TGFA: variants seen among roughly 807,000 people sequenced by gnomAD.
TGFA encodes transforming growth factor alpha, also known as protransforming growth factor alpha.
TGFA carries 12 observed loss-of-function variants against 21.7 expected under a neutral mutation model. That is an observed-to-expected ratio of 0.55 (90% confidence interval 0.35 to 0.90). The LOEUF (loss-of-function observed/expected upper bound fraction) is 0.90, where lower values mean the gene tolerates loss of function less well. Among genes scored for constraint, TGFA ranks in the 40% least tolerant of loss-of-function variants. The pLI is 0.01. For synonymous variants in TGFA, 79 were observed against 88.1 expected (o/e 0.90, Z 0.58); for missense variants, 178 against 210.8 (o/e 0.84, Z 0.96).
At chr2:70,536,696 G>A (rs1326886353) in intron 1 of TGFA, among the ~76,000 whole-genome samples, 1 of 152,214 alleles carries the variant, frequency 6.6e-6, no homozygotes, top group African/African-American at 2.4e-5. Context: ...TGCAGCAAAA[G>A]CAGTGCTTAG....
chr2:70,501,693 T>C (rs1671743310), intron 2 of TGFA, among the ~76,000 whole-genome samples: 2 of 152,196 alleles, frequency 1.3e-5, no homozygotes, highest in Non-Finnish European at 2.9e-5. Flanking sequence ...CAATTAGGTA[T>C]ACTCTCCATT....
At chr2:70,485,590 G>A (rs1466991791) in intron 2 of TGFA, among the ~76,000 whole-genome samples, 4 of 152,116 alleles carry the variant, frequency 2.6e-5, no homozygotes, top group Admixed American at 2.6e-4. Context: ...AAGGAACCGA[G>A]CACTGCTTAG....
intron 1 of TGFA, among the ~76,000 whole-genome samples, chr2:70,540,573 A>G (rs1673105190): frequency 1.3e-5 from 2 of 152,202 alleles, no homozygotes; most frequent in Non-Finnish European, 2.9e-5. Flanking sequence ...TAACTACATA[A>G]ATGTATGAGG....
At chr2:70,500,938 G>T (rs1671720724) in intron 2 of TGFA, among the ~76,000 whole-genome samples, 2 of 146,198 alleles carry the variant, frequency 1.4e-5, no homozygotes, top group South Asian at 2.2e-4. Context: ...TCTCTATTTT[G>T]TTTTTGTTGC....
At chr2:70,521,609 GTTTGT>G (rs1243010167) in intron 1 of TGFA, among the ~76,000 whole-genome samples, 6 of 78,876 alleles carry the variant, frequency 7.6e-5, no homozygotes, top group South Asian at 4.8e-4. Context: ...TTTTGTTGTT[GTTTGT>G]TTGTTTTTTT....
intron 2 of TGFA, among the ~76,000 whole-genome samples, chr2:70,488,544 C>G (rs880002421): frequency 6.6e-6 from 1 of 152,170 alleles, no homozygotes; most frequent in African/African-American, 2.4e-5. Context: ...TGTACCAGCA[C>G]CAAAGCATTT....
chr2:70,515,202 T>A (rs1208273709), intron 1 of TGFA, among the ~76,000 whole-genome samples: 1 of 152,224 alleles, frequency 6.6e-6, no homozygotes, highest in Non-Finnish European at 1.5e-5. Context: ...CTTTGTTTTT[T>A]CTTAACACCT....
chr2:70,531,677 C>T (rs905439537), intron 1 of TGFA, among the ~76,000 whole-genome samples: 6 of 152,150 alleles, frequency 3.9e-5, no homozygotes, highest in Non-Finnish European at 8.8e-5. Context: ...CAGCCACTTC[C>T]AAATGATCAC....
chr2:70,523,596 G>A (rs1263573023), intron 1 of TGFA, among the ~76,000 whole-genome samples: 4 of 152,002 alleles, frequency 2.6e-5, no homozygotes, highest in Non-Finnish European at 4.4e-5. Context: ...AGTCCTCCAC[G>A]ATGCCCCCTG....
chr2:70,456,575 C>T, intron 3 of TGFA, 87 bp from the exon 4 acceptor site: 1 of 1,465,092 alleles, frequency 6.8e-7, no homozygotes, highest in Non-Finnish European at 9.2e-7. Flanking sequence ...TGGAGGGACC[C>T]AGAGCCTGCA....
At chr2:70,501,082 G>C (rs1574107708) in intron 2 of TGFA, among the ~76,000 whole-genome samples, 1 of 151,780 alleles carries the variant, frequency 6.6e-6, no homozygotes, top group Admixed American at 6.6e-5. Flanking sequence ...ATTTTGAGTC[G>C]ATTTTTGTAT....
chr2:70,476,443 C>T (rs1273156161), intron 2 of TGFA, among the ~76,000 whole-genome samples: 12 of 152,168 alleles, frequency 7.9e-5, no homozygotes, highest in African/African-American at 2.7e-4. Flanking sequence ...GGAACAGCCC[C>T]GTTAGAGCCC....
intron 1 of TGFA, among the ~76,000 whole-genome samples, chr2:70,526,920 G>A (rs1672654699): frequency 1.3e-5 from 2 of 152,168 alleles, no homozygotes; most frequent in Admixed American, 6.5e-5. Flanking sequence ...AGGGTTTCAG[G>A]TTACTAACAG....
intron 1 of TGFA, among the ~76,000 whole-genome samples, chr2:70,529,728 C>A (rs564174270): frequency 6.6e-6 from 1 of 152,250 alleles, no homozygotes; most frequent in South Asian, 2.1e-4. Flanking sequence ...CCAAGCTGGG[C>A]AGCCCCTGGA....
intron 2 of TGFA, among the ~76,000 whole-genome samples, chr2:70,479,760 A>G (rs1671055184): frequency 1.3e-5 from 2 of 152,016 alleles, no homozygotes; most frequent in Non-Finnish European, 2.9e-5. Flanking sequence ...TGTATTATGG[A>G]TTTAAAATTG....
chr2:70,516,605 T>C (rs1672286602), intron 1 of TGFA, among the ~76,000 whole-genome samples: 1 of 152,168 alleles, frequency 6.6e-6, no homozygotes. Flanking sequence ...TTTCTTGCTG[T>C]CCAATTGATG....
intron 2 of TGFA, among the ~76,000 whole-genome samples, chr2:70,482,575 C>T (rs1166878155): frequency 6.6e-6 from 1 of 152,222 alleles, no homozygotes; most frequent in Non-Finnish European, 1.5e-5. Context: ...TGTTTCTCCA[C>T]TTAAACTACT....
intron 1 of TGFA, among the ~76,000 whole-genome samples, chr2:70,544,201 C>G (rs1469412316): frequency 6.6e-6 from 1 of 151,858 alleles, no homozygotes; most frequent in African/African-American, 2.4e-5. Flanking sequence ...AAACATTACC[C>G]GTAAAGCCAT....
intron 2 of TGFA, among the ~76,000 whole-genome samples, chr2:70,489,433 C>A (rs1380037112): frequency 6.6e-6 from 1 of 152,256 alleles, no homozygotes; most frequent in African/African-American, 2.4e-5. Context: ...AATGTTCCCA[C>A]AACGGTGAGC....
Sources: gnomAD v4.1 joint callset for allele counts (sites outside exome capture counted in the v4.1 genomes callset) on GRCh38, gnomAD v4.1.1 for gene constraint, MANE v1.5 for transcripts, NCBI Gene and HGNC (gene_info 2026-07-23, HGNC 2026-07-21) for gene names.